Variants in DKK2 observed in about 807,000 individuals in gnomAD.
DKK2 encodes the protein dickkopf Wnt signaling pathway inhibitor 2.
Under a neutral mutation model 28.1 loss-of-function variants are expected in DKK2, and 11 were observed. The observed-to-expected ratio is 0.39, with a 90% confidence interval of 0.25 to 0.65. The LOEUF is 0.65. DKK2 is among the 30% of genes least tolerant of loss of function. DKK2 has a pLI of 0.47. For missense variants in DKK2, 326 were observed against 335.5 expected (o/e 0.97, Z 0.22); for synonymous variants, 135 against 126.5 (o/e 1.07, Z -0.45).
At chr4:106,981,021 G>C (rs181761425) in intron 1 of DKK2, among the ~76,000 whole-genome samples, 1 of 152,178 alleles carries the variant, frequency 6.6e-6, no homozygotes, top group Non-Finnish European at 1.5e-5. Flanking sequence ...ATTTACTACT[G>C]CTGCCCAAAT....
chr4:106,994,523 G>A lies in DKK2; in HGVS notation c.222+40847C>T, dbSNP rs1723246095. 2.7e-5 allele frequency among the ~76,000 whole-genome samples: 4 copies of A among 149,226 alleles called. No individual in the cohort carries two copies. The East Asian group carries it at 7.8e-4, about 29-fold the overall frequency. ...CACACACACACACACACACACATAG[G>A]ACAAGTTCACAATTAAAGTTTATAA... is the stretch of plus-strand genomic sequence containing the variant. On this transcript the variant is annotated intron_variant, in intron 1 of 3. Transcript: ENST00000285311.
chr4:107,013,893 A>G (rs1723551447), intron 1 of DKK2, among the ~76,000 whole-genome samples: 1 of 151,586 alleles, frequency 6.6e-6, no homozygotes, highest in Non-Finnish European at 1.5e-5. Flanking sequence ...TTTAATAGAC[A>G]TTTTTCAAAA....
intron 1 of DKK2, among the ~76,000 whole-genome samples, chr4:107,009,107 T>C (rs998873862): frequency 2.0e-5 from 3 of 151,898 alleles, no homozygotes; most frequent in Non-Finnish European, 4.4e-5. Context: ...ACCACCAAAA[T>C]GATTTTACAG....
At chr4:107,007,944 T>C (rs1311892305) in intron 1 of DKK2, among the ~76,000 whole-genome samples, 2 of 152,116 alleles carry the variant, frequency 1.3e-5, no homozygotes, top group Non-Finnish European at 2.9e-5. Context: ...GAAACATCAA[T>C]TTCCCAGAGT....
Position 107,035,552 on chromosome 4 carries a change from G to C in DKK2, c.40C>G (p.Leu14Val). Reference sequence around the variant, plus strand: ...ATCAGCACCGCGGCCAGTAGGAGCAGGCAGCAGGACGAATCCTTGCTCCGC... The same window carrying C: ...ATCAGCACCGCGGCCAGTAGGAGCACGCAGCAGGACGAATCCTTGCTCCGC... ...LMRSKDSSCC[L>V]LLLAAVLMVE... The change falls in exon 1 of 4, where the codon CTG (leucine) becomes GTG (valine). Residue 14 changes from leucine to valine, a missense_variant. By Grantham distance (32) the Leu-to-Val change is conservative. Coordinates refer to ENST00000285311, the MANE Select transcript of DKK2 (RefSeq NM_014421.3). The C allele has an allele frequency of 4.3e-6, 7 of 1,614,196 alleles. No homozygotes were observed. The highest frequency in any genetic ancestry group is 5.9e-6 in the Non-Finnish European group (7 of 1,180,046).
chr4:106,957,587 G>A (rs1578357027), intron 1 of DKK2, among the ~76,000 whole-genome samples: 1 of 151,648 alleles, frequency 6.6e-6, no homozygotes, highest in Non-Finnish European at 1.5e-5. Context: ...AAAATGATGA[G>A]TTCATGTCCT....
chr4:107,035,402 C>A lies in DKK2; in HGVS notation c.190G>T (p.Gly64Cys). 6.2e-7 allele frequency: 1 copy of A among 1,614,206 alleles called. No homozygotes were observed. Among genetic ancestry groups the A allele is most frequent in the Non-Finnish European group, 8.5e-7 (1 of 1,180,042 alleles). ...AGGTTTTTGCCCTTCTTACTGCCGC[C>A]GAATGCCAGTCCTTGGTACATGCCC... The part of the protein sequence containing the change: ...SAGMYQGLAF[G>C]GSKKGKNLGQ... Residue 64 changes from glycine to cysteine, a missense_variant, in exon 1 of 4, where the codon GGC becomes TGC. By Grantham distance (159) the Gly-to-Cys change is radical. Transcript: ENST00000285311.
intron 1 of DKK2, among the ~76,000 whole-genome samples, chr4:106,999,139 G>A (rs1723320034): frequency 6.6e-6 from 1 of 152,152 alleles, no homozygotes; most frequent in Non-Finnish European, 1.5e-5. Context: ...TCTTAGGCAA[G>A]TAACTTTCCT....
At chr4:107,027,627 C>T (rs1723805125) in intron 1 of DKK2, among the ~76,000 whole-genome samples, 1 of 152,118 alleles carries the variant, frequency 6.6e-6, no homozygotes, top group Non-Finnish European at 1.5e-5. Flanking sequence ...CTTGTCTGTG[C>T]AGGGGCTATC....
intron 1 of DKK2, among the ~76,000 whole-genome samples, chr4:107,001,470 T>C (rs921974262): frequency 3.9e-5 from 6 of 152,180 alleles, no homozygotes; most frequent in African/African-American, 1.4e-4. Flanking sequence ...TTAACTCTCA[T>C]ATGATGATAT....
chr4:106,962,495 G>A (rs1722701616), intron 1 of DKK2, among the ~76,000 whole-genome samples: 3 of 6,448 alleles, frequency 4.7e-4, no homozygotes, highest in Admixed American at 1.2e-3. Flanking sequence ...AAAACTATGT[G>A]TGTGTGTGTG....
chr4:107,013,373 C>T (rs1723541896), intron 1 of DKK2, among the ~76,000 whole-genome samples: 1 of 150,968 alleles, frequency 6.6e-6, no homozygotes, highest in Non-Finnish European at 1.5e-5. Flanking sequence ...AATAGAGAAC[C>T]CAGAAATAAA....
At chr4:106,932,101 A>C (rs1473380315) in intron 1 of DKK2, among the ~76,000 whole-genome samples, 4 of 152,144 alleles carry the variant, frequency 2.6e-5, no homozygotes, top group Admixed American at 2.0e-4. Flanking sequence ...CTGGACATTG[A>C]TTTTATTAGA....
intron 1 of DKK2, among the ~76,000 whole-genome samples, chr4:106,999,675 A>T (rs1578373393): frequency 6.6e-6 from 1 of 152,136 alleles, no homozygotes; most frequent in East Asian, 1.9e-4. Context: ...ATTTTTTCAA[A>T]TTCAGCCACC....
intron 1 of DKK2, among the ~76,000 whole-genome samples, chr4:106,947,474 A>T (rs1724795152): frequency 6.6e-6 from 1 of 152,118 alleles, no homozygotes; most frequent in Non-Finnish European, 1.5e-5. Flanking sequence ...TCTGTGTAAT[A>T]GAAATGACAG....
intron 1 of DKK2, among the ~76,000 whole-genome samples, chr4:106,951,331 G>C (rs2110346885): frequency 6.6e-6 from 1 of 152,078 alleles, no homozygotes; most frequent in East Asian, 1.9e-4. Context: ...TCCCACTATT[G>C]GGTATTTATT....
intron 1 of DKK2, among the ~76,000 whole-genome samples, chr4:106,927,869 A>G (rs1560573473): frequency 1.3e-5 from 2 of 152,074 alleles, no homozygotes; most frequent in Non-Finnish European, 2.9e-5. Context: ...AAAATAGGAC[A>G]TGCTCTTTCA....
intron 1 of DKK2, among the ~76,000 whole-genome samples, chr4:106,929,313 T>C (rs554681181): frequency 8.7e-4 from 132 of 152,308 alleles, no homozygotes; most frequent in Non-Finnish European, 1.6e-3. Context: ...TTTTCCTTTT[T>C]GTCTGAGGAA....
rs779382046 is a variant in DKK2, at chr4:107,035,636, T to A, written c.-45A>T. 3.1e-6 allele frequency: 5 copies of A among 1,602,884 alleles called. No homozygotes were observed. In the East Asian group the frequency reaches 1.1e-4, roughly 36 times the overall value. ...CAGGAAGACGCAAAGCCCGGAGGGG[T>A]GGGAATGCAAAGGGAGGGAGGACCC... On this transcript the variant is annotated 5_prime_UTR_variant, in exon 1 of 4. Coordinates refer to ENST00000285311, the MANE Select transcript of DKK2 (RefSeq NM_014421.3).
Sources: gnomAD v4.1 joint callset for allele counts (sites outside exome capture counted in the v4.1 genomes callset) on GRCh38, gnomAD v4.1.1 for gene constraint, MANE v1.5 for transcripts, NCBI Gene and HGNC (gene_info 2026-07-23, HGNC 2026-07-21) for gene names.